Variants in TRAPPC9 observed in about 807,000 individuals in gnomAD.
The protein encoded by TRAPPC9 is IKK2 binding protein.
Under a neutral mutation model 124.0 loss-of-function variants are expected in TRAPPC9, and 83 were observed. That is an observed-to-expected ratio of 0.67 (90% confidence interval 0.56 to 0.80). The LOEUF (loss-of-function observed/expected upper bound fraction) is 0.80, where lower values mean the gene tolerates loss of function less well. TRAPPC9 is among the 30% of genes least tolerant of loss of function. The probability of loss-of-function intolerance (pLI) is 0.00; values close to 1 mark genes in which losing one functional copy is unlikely to be tolerated. For synonymous variants in TRAPPC9, 638 were observed against 617.5 expected (o/e 1.03, Z -0.49); for missense variants, 1,302 against 1,508.3 (o/e 0.86, Z 2.27).
In TRAPPC9 at chr8:139,825,958, G is replaced by C. The variant is rs1325833557; in HGVS notation, c.3055+59921C>G. ...ATAACCCGCCCGTGGAACAGGCCATGATGAGGATGTGCAACAGCAGGGGAG... is the reference window on the plus strand; with the variant it reads ...ATAACCCGCCCGTGGAACAGGCCATCATGAGGATGTGCAACAGCAGGGGAG... On this transcript the variant is annotated intron_variant, in intron 21 of 22. Transcript: ENST00000438773. The surrounding 1 kb of genome is among the most constrained non-coding windows in gnomAD (Gnocchi z 4.6). 1.3e-5 allele frequency among the ~76,000 whole-genome samples: 2 copies of C among 152,194 alleles called. No individual in the cohort carries two copies. The highest frequency in any genetic ancestry group is 2.4e-5 in the African/African-American group (1 of 41,452).
At chr8:140,358,009 C>T (rs2067806871) in intron 9 of TRAPPC9, among the ~76,000 whole-genome samples, 1 of 152,180 alleles carries the variant, frequency 6.6e-6, no homozygotes, top group Non-Finnish European at 1.5e-5. Flanking sequence ...ATGCCAACGG[C>T]CACAATAAGT....
At chr8:139,890,536 T>C (rs1830274213) in intron 20 of TRAPPC9, among the ~76,000 whole-genome samples, 1 of 151,980 alleles carries the variant, frequency 6.6e-6, no homozygotes. Flanking sequence ...GGCTCACAGG[T>C]GGAGAGAGGG....
At chr8:140,117,518 C>A (rs1335447753) in intron 17 of TRAPPC9, among the ~76,000 whole-genome samples, 1 of 152,096 alleles carries the variant, frequency 6.6e-6, no homozygotes, top group African/African-American at 2.4e-5. Context: ...GACAGAAGGG[C>A]CAAGAGAGCC....
intron 17 of TRAPPC9, among the ~76,000 whole-genome samples, chr8:140,086,510 C>G (rs1009622989): frequency 3.3e-5 from 5 of 152,208 alleles, no homozygotes; most frequent in African/African-American, 1.2e-4. Context: ...TGCCCAGCTC[C>G]TGCTGCCTCT....
At chr8:140,375,342 A>G (rs976893292) in intron 7 of TRAPPC9, among the ~76,000 whole-genome samples, 1 of 152,238 alleles carries the variant, frequency 6.6e-6, no homozygotes, top group Non-Finnish European at 1.5e-5. Flanking sequence ...TGGCTCCAAG[A>G]CTACTCAAGA....
At chr8:140,248,159 A>G (rs868838561) in intron 16 of TRAPPC9, among the ~76,000 whole-genome samples, 1 of 152,200 alleles carries the variant, frequency 6.6e-6, no homozygotes, top group African/African-American at 2.4e-5. Flanking sequence ...GTAAATCTAC[A>G]CACTGTATTC....
chr8:140,336,380 C>A (rs567869927), intron 9 of TRAPPC9, among the ~76,000 whole-genome samples: 27 of 152,270 alleles, frequency 1.8e-4, no homozygotes, highest in African/African-American at 5.8e-4. Context: ...CTCTGCTCTG[C>A]GGCAAATGAG....
chr8:140,401,408 G>GCTT (rs1182803676), intron 6 of TRAPPC9, among the ~76,000 whole-genome samples: 1 of 152,044 alleles, frequency 6.6e-6, no homozygotes, highest in Admixed American at 6.5e-5. Flanking sequence ...TACCAACAAT[G>GCTT]AAGTCAGAAA....
At chr8:140,232,786 T>C (rs771191737) in intron 16 of TRAPPC9, among the ~76,000 whole-genome samples, 1 of 152,130 alleles carries the variant, frequency 6.6e-6, no homozygotes, top group Non-Finnish European at 1.5e-5. Context: ...GCCACAGAAA[T>C]AGCTCAATTA....
chr8:140,083,181 A>T lies in TRAPPC9; in HGVS notation c.2557-59102T>A, dbSNP rs1368926182. ...GCACTCCAGCCTGGGTGACAGAATGAGACTCCATCTCAAAAAAAAAAATTC... is the reference window on the plus strand; with the variant it reads ...GCACTCCAGCCTGGGTGACAGAATGTGACTCCATCTCAAAAAAAAAAATTC... On this transcript the variant is annotated intron_variant, in intron 17 of 22. Transcript: ENST00000438773. Among the ~76,000 whole-genome samples the T allele has an allele frequency of 4.3e-5, 6 of 139,218 alleles. No individual in the cohort carries two copies. In the East Asian group the frequency reaches 1.3e-3, roughly 31 times the overall value. The allele number at this position is 139,218 out of a possible 152,430, so 91.3% of individuals were successfully genotyped here.
intron 18 of TRAPPC9, among the ~76,000 whole-genome samples, chr8:140,011,966 C>A (rs959403993): frequency 1.4e-4 from 21 of 152,178 alleles, no homozygotes; most frequent in African/African-American, 4.8e-4. Flanking sequence ...GCATGAGCCA[C>A]TGCGCCAGAC....
At chr8:140,002,198 T>C (rs1838448765) in intron 18 of TRAPPC9, among the ~76,000 whole-genome samples, 1 of 151,662 alleles carries the variant, frequency 6.6e-6, no homozygotes, top group Non-Finnish European at 1.5e-5. Flanking sequence ...AAAAAGCATC[T>C]GACAAAACTC....
At chr8:140,345,810 C>G (rs772428926) in intron 9 of TRAPPC9, among the ~76,000 whole-genome samples, 1 of 152,150 alleles carries the variant, frequency 6.6e-6, no homozygotes, top group African/African-American at 2.4e-5. Flanking sequence ...GCAGTCACCA[C>G]GGAAGGGGTC....
intron 19 of TRAPPC9, among the ~76,000 whole-genome samples, chr8:139,913,522 C>A (rs12548239): frequency 0.098 from 14,976 of 152,220 alleles, 864 homozygotes; most frequent in Admixed American, 0.17. Flanking sequence ...AAAGAGAGAC[C>A]ATTTCTTGCT....
chr8:139,807,138 G>T (rs1385759373), intron 21 of TRAPPC9, among the ~76,000 whole-genome samples: 2 of 152,214 alleles, frequency 1.3e-5, no homozygotes, highest in Non-Finnish European at 2.9e-5. Context: ...CAGAAAACTT[G>T]GGAAGCCAGG....
At chr8:140,183,787 G>C (rs1345513016) in intron 17 of TRAPPC9, among the ~76,000 whole-genome samples, 1 of 151,220 alleles carries the variant, frequency 6.6e-6, no homozygotes, top group Non-Finnish European at 1.5e-5. Context: ...CCCAGGATGG[G>C]GAGTTTGCAG....
chr8:139,873,936 G>C (rs996145711), intron 21 of TRAPPC9, among the ~76,000 whole-genome samples: 1 of 152,210 alleles, frequency 6.6e-6, no homozygotes, highest in South Asian at 2.1e-4. Context: ...CCTCTCCCAG[G>C]ACTGGAGCGC....
At chr8:140,197,824 G>A (rs548508855) in intron 17 of TRAPPC9, among the ~76,000 whole-genome samples, 5 of 152,204 alleles carry the variant, frequency 3.3e-5, no homozygotes, top group Admixed American at 1.3e-4. Flanking sequence ...GGCAGGGAAG[G>A]TGGTCTTTGG....
At position 139,910,116 on chromosome 8, in the gene TRAPPC9, C is replaced by A. The variant is rs756359575; in HGVS notation, c.2964+31G>T. ...GTTGGAACCCTGGGCAAAGGTGCCC[C>A]CAGGCCCAGGTGGCCCCTGGAAAAG... On this transcript the variant is annotated intron_variant, in intron 20 of 22. Transcript: ENST00000438773. The A allele has an allele frequency of 1.9e-6, 3 of 1,613,784 alleles. No individual in the cohort carries two copies. The South Asian group carries it at 3.3e-5, about 18-fold the overall frequency.
Sources: gnomAD v4.1 joint callset for allele counts (sites outside exome capture counted in the v4.1 genomes callset) on GRCh38, gnomAD v4.1.1 for gene constraint, Gnocchi (gnomAD v3.1) non-coding constraint, MANE v1.5 for transcripts, NCBI Gene and HGNC (gene_info 2026-07-23, HGNC 2026-07-21) for gene names.